The following WWOX variants were observed in gnomAD, a reference collection of about 807,000 sequenced individuals.
WWOX encodes WW domain containing oxidoreductase, also known as WW domain-containing oxidoreductase.
A neutral mutation model predicts 46.2 loss-of-function variants in WWOX; 69 were observed. The observed-to-expected ratio is 1.49, with a 90% CI of 1.23 to 1.82. WWOX has a LOEUF of 1.82. Among genes scored for constraint, WWOX ranks in the 40% most tolerant of loss-of-function variants. The probability of loss-of-function intolerance (pLI) is 0.00; values close to 1 mark genes in which losing one functional copy is unlikely to be tolerated. For synonymous variants in WWOX, 359 were observed against 202.6 expected (o/e 1.77, Z -6.56); for missense variants, 919 against 542.6 (o/e 1.69, Z -6.89).
intron 5 of WWOX, among the ~76,000 whole-genome samples, chr16:78,173,660 G>A (rs576941138): frequency 3.3e-5 from 5 of 152,156 alleles, no homozygotes; most frequent in South Asian, 2.1e-4. Flanking sequence ...CTCAGATTCT[G>A]GCACATAGTA....
chr16:78,422,660 C>CATATATATATATATAT (rs1388283094), intron 6 of WWOX, among the ~76,000 whole-genome samples: 2 of 6,526 alleles, frequency 3.1e-4, no homozygotes, highest in Non-Finnish European at 1.2e-3. Flanking sequence ...GTTTTTTTTA[C>CATATATATATATATAT]ATGTATATAT....
At chr16:79,084,296 A>G (rs1299578195) in intron 8 of WWOX, among the ~76,000 whole-genome samples, 1 of 152,228 alleles carries the variant, frequency 6.6e-6, no homozygotes, top group Non-Finnish European at 1.5e-5. Flanking sequence ...TAGAACTCTA[A>G]ATAGAGAAAA....
chr16:78,490,725 C>G (rs1213525514), intron 8 of WWOX, among the ~76,000 whole-genome samples: 1 of 152,152 alleles, frequency 6.6e-6, no homozygotes, highest in African/African-American at 2.4e-5. Flanking sequence ...TGCATTGACT[C>G]CTGTTTTCTA....
chr16:79,090,942 C>T (rs1185643404), intron 8 of WWOX, among the ~76,000 whole-genome samples: 1 of 152,166 alleles, frequency 6.6e-6, no homozygotes, highest in East Asian at 1.9e-4. Flanking sequence ...TACAGGCATT[C>T]ATGCCACCGC....
At chr16:78,844,696 C>G (rs559931064) in intron 8 of WWOX, among the ~76,000 whole-genome samples, 4 of 152,196 alleles carry the variant, frequency 2.6e-5, no homozygotes, top group Non-Finnish European at 5.9e-5. Context: ...AAAGATTTTG[C>G]AGACTTTTAA....
chr16:78,351,267 G>C lies in WWOX; in HGVS notation c.517-35593G>C, dbSNP rs191773974. Among the ~76,000 whole-genome samples the C allele has an allele frequency of 1.4e-4, 22 of 152,308 alleles. No homozygotes were observed. In the East Asian group the frequency reaches 4.3e-3, roughly 29 times the overall value. On this transcript the variant is annotated intron_variant, in intron 5 of 8. Transcript: ENST00000566780. ...TACAATATAGAGAGGCTAAATTATA[G>C]TCCATATCACTTTTCCTTTAAATCC...
chr16:78,539,507 G>GA (rs2043836997), intron 8 of WWOX, among the ~76,000 whole-genome samples: 1 of 152,146 alleles, frequency 6.6e-6, no homozygotes, highest in Admixed American at 6.5e-5. Context: ...AAGAATAAGT[G>GA]AAAAAATATT....
At chr16:78,131,581 TG>T (rs1160553385) in intron 4 of WWOX, among the ~76,000 whole-genome samples, 1 of 151,948 alleles carries the variant, frequency 6.6e-6, no homozygotes, top group Non-Finnish European at 1.5e-5. Context: ...GATACTAAAA[TG>T]TTTTTTTTTT....
In WWOX at chr16:78,317,693, C is replaced by G. The variant is rs1338210917; in HGVS notation, c.517-69167C>G. ...GACTCCTGCTCTCTGTTGACTCTGT[C>G]CAGAGAGTAAGCGACTCAGCAGGTG... On this transcript the variant is annotated intron_variant, in intron 5 of 8. Transcript: ENST00000566780. Among the ~76,000 whole-genome samples the G allele has an allele frequency of 2.0e-5, 3 of 152,066 alleles. No homozygotes were observed. In the East Asian group the frequency reaches 5.8e-4, roughly 29 times the overall value.
At chr16:78,938,042 T>C (rs1051758957) in intron 8 of WWOX, among the ~76,000 whole-genome samples, 1 of 152,164 alleles carries the variant, frequency 6.6e-6, no homozygotes, top group Non-Finnish European at 1.5e-5. Flanking sequence ...TATGGGGAGA[T>C]AGGTCACTTT....
chr16:78,451,053 C>T (rs1479502058), intron 8 of WWOX, among the ~76,000 whole-genome samples: 2 of 152,106 alleles, frequency 1.3e-5, no homozygotes, highest in Non-Finnish European at 2.9e-5. Flanking sequence ...TTTGCTTTCC[C>T]GTTATACTTA....
At chr16:78,956,856 G>C (rs1320318635) in intron 8 of WWOX, among the ~76,000 whole-genome samples, 1 of 152,164 alleles carries the variant, frequency 6.6e-6, no homozygotes, top group Non-Finnish European at 1.5e-5. Flanking sequence ...GTGAAGGAGA[G>C]TGTCTCAAAC....
intron 8 of WWOX, among the ~76,000 whole-genome samples, chr16:78,946,275 C>G (rs1454004238): frequency 2.0e-5 from 3 of 152,130 alleles, no homozygotes; most frequent in African/African-American, 7.2e-5. Flanking sequence ...ACTGCAGCCT[C>G]CAACTCCCGG....
At chr16:78,552,548 A>T (rs1228503953) in intron 8 of WWOX, 1 of 152,210 alleles carries the variant, frequency 6.6e-6, no homozygotes, top group Non-Finnish European at 1.5e-5. Flanking sequence ...AGGGTCCAGG[A>T]GCCCCCTGAA....
intron 8 of WWOX, chr16:79,090,016 G>C (rs1214197241): frequency 6.6e-6 from 1 of 152,130 alleles, no homozygotes; most frequent in East Asian, 1.9e-4. Context: ...TTAAGGAACT[G>C]GCTTTGACAG....
In WWOX at chr16:78,137,455, A is replaced by G. The variant is rs566874315; in HGVS notation, c.409+22301A>G. Among the ~76,000 whole-genome samples the G allele has an allele frequency of 1.2e-3, 180 of 152,286 alleles. 1 individual carries two copies. Among genetic ancestry groups the G allele is most frequent in the African/African-American group, 4.3e-3 (178 of 41,540 alleles). ...AATTCGACAAGGTGGAATGAAAGCA[A>G]CTAGTGTGGTGTCTGACCGCTTGTG... On this transcript the variant is annotated intron_variant, in intron 4 of 8. Transcript: ENST00000566780.
At chr16:78,320,431 C>T (rs1189395054) in intron 5 of WWOX, among the ~76,000 whole-genome samples, 2 of 152,174 alleles carry the variant, frequency 1.3e-5, no homozygotes, top group African/African-American at 4.8e-5. Context: ...ACAGTGGACA[C>T]ATTGTGCATT....
chr16:78,941,196 G>T (rs2045844838), intron 8 of WWOX, among the ~76,000 whole-genome samples: 1 of 152,154 alleles, frequency 6.6e-6, no homozygotes, highest in African/African-American at 2.4e-5. Context: ...CAGTTGCAAA[G>T]GATAAATCTA....
At chr16:79,132,000 C>G (rs1429448519) in intron 8 of WWOX, among the ~76,000 whole-genome samples, 1 of 152,016 alleles carries the variant, frequency 6.6e-6, no homozygotes, top group Non-Finnish European at 1.5e-5. Flanking sequence ...AAAGACCCAC[C>G]CCCATGATTC....
Sources: gnomAD v4.1 joint callset for allele counts (sites outside exome capture counted in the v4.1 genomes callset) on GRCh38, gnomAD v4.1.1 for gene constraint, MANE v1.5 for transcripts, NCBI Gene and HGNC (gene_info 2026-07-23, HGNC 2026-07-21) for gene names.